The following FBXO42 variants were observed in gnomAD, a reference collection of about 807,000 sequenced individuals.
FBXO42 encodes F-box protein 42, also known as F-box only protein 42.
In FBXO42, 12 loss-of-function variants were observed where a neutral mutation model predicts 71.7. The observed-to-expected ratio is 0.17, with a 90% CI of 0.11 to 0.27. The LOEUF is 0.27. FBXO42 is among the 10% of genes least tolerant of loss of function. FBXO42 has a pLI of 1.00. For missense variants in FBXO42, 707 were observed against 911.9 expected (o/e 0.78, Z 2.89); for synonymous variants, 325 against 327.5 (o/e 0.99, Z 0.08).
chr1:16,278,129 G>C (rs2100493140), intron 4 of FBXO42, among the ~76,000 whole-genome samples: 1 of 152,218 alleles, frequency 6.6e-6, no homozygotes, highest in South Asian at 2.1e-4. Flanking sequence ...GGCCGAGGCG[G>C]GCGGATCACC....
At chr1:16,331,849 G>A (rs576716783) in intron 1 of FBXO42, among the ~76,000 whole-genome samples, 2 of 151,856 alleles carry the variant, frequency 1.3e-5, no homozygotes, top group Non-Finnish European at 2.9e-5. Flanking sequence ...TCAGGAGTTC[G>A]AGACCAGCCT....
intron 3 of FBXO42, among the ~76,000 whole-genome samples, chr1:16,304,909 C>T (rs920007745): frequency 6.6e-5 from 10 of 151,942 alleles, no homozygotes; most frequent in East Asian, 1.9e-4. Flanking sequence ...GTGGAGGTTG[C>T]GGTGAGCCAA....
Position 16,251,867 on chromosome 1 carries a change from C to A in FBXO42, c.1039-82G>T. On this transcript the variant is annotated intron_variant, in intron 9 of 9. Coordinates refer to ENST00000375592, the MANE Select transcript of FBXO42 (RefSeq NM_018994.3). The surrounding 1 kb of genome is among the most constrained non-coding windows in gnomAD (Gnocchi z 4.5). ...CTGTCAAACATTTTATCATGAGCAT[C>A]TGTCATGTGCCAGACATTTTGTAGG... is the stretch of plus-strand genomic sequence containing the variant. The A allele has an allele frequency of 6.7e-7, 1 of 1,491,124 alleles. No homozygotes were observed. The highest frequency in any genetic ancestry group is 9.0e-7 in the Non-Finnish European group (1 of 1,109,870). 92.4% of individuals were successfully genotyped at this position (1,491,124 alleles called of 1,614,324 possible). A position where few individuals can be genotyped will look rare whatever the true frequency, so the allele number is the denominator to read the frequency against.
intron 4 of FBXO42, among the ~76,000 whole-genome samples, chr1:16,271,423 G>A (rs1173584294): frequency 6.6e-6 from 1 of 151,946 alleles, no homozygotes; most frequent in Non-Finnish European, 1.5e-5. Context: ...TGGGATTACA[G>A]GCGCCTGCCA....
At position 16,250,596 on chromosome 1, in the gene FBXO42, T is replaced by A; in HGVS notation, c.*74A>T. 2.0e-6 allele frequency: 3 copies of A among 1,505,164 alleles called. No homozygotes were observed. The highest frequency in any genetic ancestry group is 2.7e-6 in the Non-Finnish European group (3 of 1,124,866). 93.2% of individuals were successfully genotyped at this position (1,505,164 alleles called of 1,614,324 possible). On this transcript the variant is annotated 3_prime_UTR_variant, in exon 10 of 10. Transcript: ENST00000375592. The surrounding 1 kb of genome is among the most constrained non-coding windows in gnomAD (Gnocchi z 4.7). Reference sequence around the variant, plus strand: ...CTGGGAGTAATTTTGTTTTCCCAATTCTCAGTCCAAATGCTTACACACTGG... The same window carrying A: ...CTGGGAGTAATTTTGTTTTCCCAATACTCAGTCCAAATGCTTACACACTGG...
chr1:16,250,567 G>T lies in FBXO42; in HGVS notation c.*103C>A. The stretch of plus-strand genomic sequence containing the variant: ...TTCGGTTGGGAATTAAAGAGTTTTG[G>T]CTTCTGGGAGTAATTTTGTTTTCCC... On this transcript the variant is annotated 3_prime_UTR_variant, in exon 10 of 10. Transcript: ENST00000375592. This position sits in a 1 kb window ranked among gnomAD's most constrained non-coding sequence, Gnocchi z 4.7. The T allele has an allele frequency of 7.2e-7, 1 of 1,379,328 alleles. No individual in the cohort carries two copies. Among genetic ancestry groups the T allele is most frequent in the Non-Finnish European group, 9.8e-7 (1 of 1,019,832 alleles). The allele number at this position is 1,379,328 out of a possible 1,614,324, so 85.4% of individuals were successfully genotyped here.
intron 2 of FBXO42, among the ~76,000 whole-genome samples, chr1:16,306,560 T>A (rs1194919429): frequency 6.6e-6 from 1 of 152,300 alleles, no homozygotes; most frequent in East Asian, 1.9e-4. Context: ...GGGGATAATT[T>A]AGCCTTATGA....
chr1:16,279,714 A>C (rs2081939971), intron 4 of FBXO42, among the ~76,000 whole-genome samples: 1 of 152,226 alleles, frequency 6.6e-6, no homozygotes, highest in Admixed American at 6.5e-5. Flanking sequence ...CAGGAAAAGA[A>C]AGCAATAGAC....
At chr1:16,308,758 T>TC (rs1269601925) in intron 2 of FBXO42, among the ~76,000 whole-genome samples, 1 of 146,054 alleles carries the variant, frequency 6.8e-6, no homozygotes, top group Non-Finnish European at 1.5e-5. Context: ...TTTTTTTTTT[T>TC]TTTTGAGAAG....
chr1:16,334,704 G>A (rs987354641), intron 1 of FBXO42, among the ~76,000 whole-genome samples: 8 of 152,054 alleles, frequency 5.3e-5, no homozygotes, highest in African/African-American at 1.4e-4. Flanking sequence ...GTTGTTATGA[G>A]TTATCTAGTT....
chr1:16,333,443 C>CCA (rs945709266), intron 1 of FBXO42, among the ~76,000 whole-genome samples: 1 of 137,090 alleles, frequency 7.3e-6, no homozygotes, highest in African/African-American at 2.6e-5. Flanking sequence ...GAGACCCCCC[C>CCA]CCCCCATTTC....
intron 4 of FBXO42, among the ~76,000 whole-genome samples, chr1:16,284,012 G>C (rs2081995085): frequency 6.6e-6 from 1 of 152,152 alleles, no homozygotes; most frequent in Admixed American, 6.6e-5. Context: ...TTTGAATAAA[G>C]GGTAATTTAT....
At chr1:16,314,339 T>C (rs941432166) in intron 2 of FBXO42, among the ~76,000 whole-genome samples, 2 of 152,206 alleles carry the variant, frequency 1.3e-5, no homozygotes, top group Non-Finnish European at 2.9e-5. Flanking sequence ...AAGAAAGCAG[T>C]TGCTAAAAGT....
At chr1:16,326,380 G>A (rs910324720) in intron 1 of FBXO42, among the ~76,000 whole-genome samples, 1 of 149,814 alleles carries the variant, frequency 6.7e-6, no homozygotes, top group East Asian at 2.1e-4. Context: ...ACAACTACTC[G>A]AGTTTTAAAA....
rs1207687480 is a variant in FBXO42, at chr1:16,247,404, G to A, written c.*3266C>T. The A allele has an allele frequency of 6.6e-6, 1 of 152,322 alleles. No homozygotes were observed. Among genetic ancestry groups the A allele is most frequent in the Non-Finnish European group, 1.5e-5 (1 of 68,118 alleles). The allele number at this position is 152,322 out of a possible 1,614,324, so 9.4% of individuals were successfully genotyped here. On this transcript the variant is annotated 3_prime_UTR_variant, in exon 10 of 10. Transcript: ENST00000375592. ...ACCAACCAGGAATACCACTTTTAAG[G>A]GGGAAGGAAAGAGTGAAGCAGAAGG...
At chr1:16,347,677 A>G (rs2082663772) in intron 1 of FBXO42, among the ~76,000 whole-genome samples, 1 of 152,100 alleles carries the variant, frequency 6.6e-6, no homozygotes, top group Non-Finnish European at 1.5e-5. Context: ...CAACATGTTG[A>G]AACCCCATCT....
At chr1:16,330,461 C>T (rs1022413447) in intron 1 of FBXO42, among the ~76,000 whole-genome samples, 1 of 152,042 alleles carries the variant, frequency 6.6e-6, no homozygotes, top group African/African-American at 2.4e-5. Flanking sequence ...GAGCTATGGT[C>T]TTACCACTGC....
intron 1 of FBXO42, among the ~76,000 whole-genome samples, chr1:16,328,056 T>G (rs1040289220): frequency 1.3e-5 from 2 of 152,164 alleles, no homozygotes; most frequent in Admixed American, 1.3e-4. Flanking sequence ...CAGCTTATAC[T>G]GACAAGTGCC....
intron 1 of FBXO42, among the ~76,000 whole-genome samples, chr1:16,342,667 T>C (rs919891723): frequency 2.6e-5 from 4 of 152,048 alleles, no homozygotes; most frequent in Non-Finnish European, 5.9e-5. Context: ...CAGTAATTAA[T>C]TTCTAAGTTA....
Sources: gnomAD v4.1 joint callset for allele counts (sites outside exome capture counted in the v4.1 genomes callset) on GRCh38, gnomAD v4.1.1 for gene constraint, Gnocchi (gnomAD v3.1) non-coding constraint, MANE v1.5 for transcripts, NCBI Gene and HGNC (gene_info 2026-07-23, HGNC 2026-07-21) for gene names.